The following NEDD1 variants were observed in gnomAD, a reference collection of about 807,000 sequenced individuals.
NEDD1 encodes protein NEDD1.
NEDD1 carries 33 observed loss-of-function variants against 74.0 expected under a neutral mutation model. The ratio of observed to expected loss-of-function variants is 0.45; its 90% confidence interval spans 0.34 to 0.60. The LOEUF (loss-of-function observed/expected upper bound fraction) is 0.60. NEDD1 is among the 20% of genes least tolerant of loss of function. The pLI is 0.01. For missense variants in NEDD1, 746 were observed against 776.5 expected, an observed-to-expected ratio of 0.96 and a Z score of 0.47; for synonymous variants, 250 against 264.4, an observed-to-expected ratio of 0.95 and a Z score of 0.53.
chr12:96,928,773 G>A (rs1030425899), intron 6 of NEDD1, among the ~76,000 whole-genome samples: 2 of 139,452 alleles, frequency 1.4e-5, no homozygotes, highest in Non-Finnish European at 3.0e-5. Flanking sequence ...TGCAAGCTCC[G>A]CCTCCTGGGT....
chr12:96,944,330 G>A (rs249583), intron 12 of NEDD1, among the ~76,000 whole-genome samples: 77,788 of 151,606 alleles, frequency 0.51, 20,624 homozygotes, highest in African/African-American at 0.63. Flanking sequence ...ATTATTGACT[G>A]GTTACCACAT....
intron 6 of NEDD1, among the ~76,000 whole-genome samples, chr12:96,927,869 CT>C (rs1271649431): frequency 6.6e-6 from 1 of 152,032 alleles, no homozygotes; most frequent in Non-Finnish European, 1.5e-5. Flanking sequence ...ACTACAAAGA[CT>C]TTTTATCTAG....
At chr12:96,932,459 A>ATAT (rs1471701288) in intron 6 of NEDD1, among the ~76,000 whole-genome samples, 17 of 12,068 alleles carry the variant, frequency 1.4e-3, no homozygotes, top group South Asian at 3.6e-3. Flanking sequence ...AAAAAAAAAA[A>ATAT]AAAAATATAT....
At chr12:96,943,092 A>T (rs1427003216) in intron 11 of NEDD1, among the ~76,000 whole-genome samples, 1 of 152,070 alleles carries the variant, frequency 6.6e-6, no homozygotes, top group Admixed American at 6.6e-5. Context: ...TACTTTTGTT[A>T]GAAGCAAGTT....
chr12:96,951,318 A>G (rs1007792041), intron 14 of NEDD1, 114 bp from the exon 15 acceptor site: 8 of 549,112 alleles, frequency 1.5e-5, no homozygotes, highest in African/African-American at 1.4e-4. Flanking sequence ...TTATTATTAT[A>G]GTAATTATTA....
rs1430562727 is a variant in NEDD1 at position 96,907,607 on chromosome 12, C to G, written c.-258C>G. On this transcript the variant is annotated 5_prime_UTR_variant, in exon 2 of 16. Coordinates refer to ENST00000266742, the MANE Select transcript of NEDD1 (RefSeq NM_152905.4). ...TCAAGTACTTTTCTTTTGGCAGGTA[C>G]TTGGATGCATTTTACAGGTTAGCCT... 2 of 1,551,352 alleles carry G rather than the reference C, an allele frequency of 1.3e-6. No individual in the cohort carries two copies. The highest frequency in any genetic ancestry group is 1.7e-6 in the Non-Finnish European group (2 of 1,146,686).
chr12:96,944,888 GA>G, intron 13 of NEDD1, 93 bp downstream of exon 13: 1 of 939,534 alleles, frequency 1.1e-6, no homozygotes, highest in Non-Finnish European at 1.6e-6. Context: ...AGTAATCATA[GA>G]CTAAAAATGT....
At chr12:96,923,561 T>C (rs1875342744) in intron 6 of NEDD1, among the ~76,000 whole-genome samples, 1 of 152,224 alleles carries the variant, frequency 6.6e-6, no homozygotes. Flanking sequence ...TGTCTCATGG[T>C]GGTTTTAATT....
At position 96,918,334 on chromosome 12, in the gene NEDD1, T is replaced by C. The variant is rs556913642; in HGVS notation, c.348+597T>C. ...TGGTCTTTTTTTTGGAATTCTACTT[T>C]TCATTATATTGTCTTTTTAATATTT... On this transcript the variant is annotated intron_variant, in intron 5 of 15. Transcript: ENST00000266742. Among the ~76,000 whole-genome samples the C allele has an allele frequency of 4.6e-5, 7 of 152,242 alleles. No homozygotes were observed. The South Asian group carries it at 1.2e-3, about 27-fold the overall frequency.
intron 5 of NEDD1, among the ~76,000 whole-genome samples, chr12:96,918,177 T>TTG (rs898383031): frequency 2.0e-5 from 3 of 151,700 alleles, no homozygotes; most frequent in Non-Finnish European, 4.4e-5. Context: ...TGTTTTTTTT[T>TTG]TGTGTGTGTG....
intron 6 of NEDD1, chr12:96,925,036 C>G (rs767411763): frequency 3.6e-6 from 1 of 275,166 alleles, no homozygotes; most frequent in Non-Finnish European, 7.1e-6. Flanking sequence ...CATTTAGCTC[C>G]TATAATTCAT....
Position 96,945,050 on chromosome 12 carries a change from G to A in NEDD1, c.1654+255G>A, listed in dbSNP as rs555908461. The stretch of plus-strand genomic sequence containing the variant: ...TAATATGTGTCTTTAATATGGTAGA[G>A]ATAGAATTATTATGTAGGACCCTTT... On this transcript the variant is annotated intron_variant, in intron 13 of 15. Coordinates refer to ENST00000266742, the MANE Select transcript of NEDD1 (RefSeq NM_152905.4). Among the ~76,000 whole-genome samples the A allele has an allele frequency of 2.6e-5, 4 of 151,082 alleles. No homozygotes were observed. In the South Asian group the frequency reaches 8.3e-4, roughly 31 times the overall value.
chr12:96,912,509 C>T (rs1486224523), intron 3 of NEDD1: 2 of 378,726 alleles, frequency 5.3e-6, no homozygotes, highest in Non-Finnish European at 9.4e-6. Flanking sequence ...ATAGCAGAGC[C>T]AGAAAGAAGG....
chr12:96,928,057 A>G, intron 6 of NEDD1, among the ~76,000 whole-genome samples: 1 of 152,130 alleles, frequency 6.6e-6, no homozygotes, highest in South Asian at 2.1e-4. Context: ...TAATCTGTAT[A>G]TTTCTTCTTA....
chr12:96,937,261 A>T lies in NEDD1; in HGVS notation c.985A>T (p.Asn329Tyr). Residue 329 changes from asparagine (N) to tyrosine (Y), a missense_variant, in exon 9 of 16, where the codon AAT becomes TAT. Asn to Tyr is a moderately radical substitution (Grantham distance 143). Transcript: ENST00000266742. ...AGTGAACAAACGAAGTGTTAATGTG[A>T]ATGCTGCTAGTGGAGGAGTTCAGAA... ...TTVNKRSVNV[N>Y]AASGGVQNSG... The T allele has an allele frequency of 6.2e-7, 1 of 1,612,950 alleles. No individual in the cohort carries two copies. The highest frequency in any genetic ancestry group is 8.5e-7 in the Non-Finnish European group (1 of 1,179,238).
At chr12:96,942,433 A>C in intron 10 of NEDD1, 144 bp from the exon 11 acceptor site, 1 of 609,928 alleles carries the variant, frequency 1.6e-6, no homozygotes, top group East Asian at 2.7e-5. Context: ...AATTTAAATC[A>C]GTATTCTCCT....
intron 7 of NEDD1, among the ~76,000 whole-genome samples, chr12:96,936,388 A>T (rs1196506885): frequency 8.3e-6 from 1 of 119,984 alleles, no homozygotes; most frequent in Non-Finnish European, 1.9e-5. Context: ...AAGTGAATAG[A>T]AAAGTAAGAT....
intron 5 of NEDD1, among the ~76,000 whole-genome samples, chr12:96,918,057 T>A (rs995380868): frequency 1.3e-5 from 2 of 152,080 alleles, no homozygotes; most frequent in African/African-American, 4.8e-5. Context: ...GATCTTTCCT[T>A]AGGGCCAGGT....
Position 96,943,670 on chromosome 12 carries a change from C to T in NEDD1, c.1405C>T (p.Pro469Ser). 1 of 1,611,348 alleles carries T rather than the reference C, an allele frequency of 6.2e-7. No homozygotes were observed. Among genetic ancestry groups the T allele is most frequent in the South Asian group, 1.1e-5 (1 of 91,010 alleles). The change falls in exon 12 of 16, where the codon CCA becomes TCA. Residue 469 changes from proline (P) to serine (S), a missense_variant. Pro to Ser is a moderately conservative substitution (Grantham distance 74). Transcript: ENST00000266742. ...TCCTCTTAATGTTTTTATGGGATCT[C>T]CAGGGAAAGAGGAAAATGAAAACCG... ...SSPLNVFMGS[P>S]GKEENENRDL...
Sources: gnomAD v4.1 joint callset for allele counts (sites outside exome capture counted in the v4.1 genomes callset) on GRCh38, gnomAD v4.1.1 for gene constraint, MANE v1.5 for transcripts, NCBI Gene and HGNC (gene_info 2026-07-23, HGNC 2026-07-21) for gene names.